Variants in ZFR observed in about 807,000 individuals in gnomAD.
ZFR encodes the protein zinc finger RNA binding protein.
In ZFR, 19 loss-of-function variants were observed where a neutral mutation model predicts 130.7. The observed-to-expected ratio is 0.15, with a 90% CI of 0.10 to 0.21. The LOEUF (loss-of-function observed/expected upper bound fraction) is 0.21. ZFR is among the 10% of genes least tolerant of loss of function. The probability of loss-of-function intolerance (pLI) is 1.00; values close to 1 mark genes in which losing one functional copy is unlikely to be tolerated. For synonymous variants in ZFR, 466 were observed against 456.9 expected (o/e 1.02, Z -0.25); for missense variants, 872 against 1,321.5 (o/e 0.66, Z 5.27).
chr5:32,417,864 G>A, intron 3 of ZFR, 72 bp from the exon 4 acceptor site: 2 of 1,456,018 alleles, frequency 1.4e-6, no homozygotes, highest in South Asian at 1.2e-5. Context: ...CTGTATAGAA[G>A]TGCAATAAAG....
intron 11 of ZFR, among the ~76,000 whole-genome samples, chr5:32,391,625 C>A (rs1260486097): frequency 6.6e-6 from 1 of 151,422 alleles, no homozygotes; most frequent in African/African-American, 2.4e-5. Flanking sequence ...CCAAGGGAAA[C>A]CATGTGTCTA....
At position 32,355,937 on chromosome 5, in the gene ZFR, A is replaced by G. The variant is rs763281349; in HGVS notation, c.3048T>C (p.Phe1016=). The G allele has an allele frequency of 6.3e-7, 1 of 1,584,978 alleles. No homozygotes were observed. The highest frequency in any genetic ancestry group is 8.5e-7 in the Non-Finnish European group (1 of 1,169,892). The part of the protein sequence containing the change: ...QREDITSSAQ[F]ALRLLAFRQI... ...GGCGGAATGCAAGGAGTCTCAATGC[A>G]AACTGCAACAAAGAGAGTCAGAATT... The change falls in exon 20 of 20, where the codon TTT becomes TTC. Residue 1016 remains phenylalanine, a splice_region_variant and synonymous_variant. Transcript: ENST00000265069.
chr5:32,417,121 T>TC (rs1554073786), intron 4 of ZFR, among the ~76,000 whole-genome samples: 14 of 114,680 alleles, frequency 1.2e-4, no homozygotes, highest in South Asian at 2.9e-4. Context: ...AGTCTCTCTC[T>TC]AAAAAAAAAA....
Position 32,382,697 on chromosome 5 carries a change from CCTT to C in ZFR, c.2642-2528_2642-2526del, listed in dbSNP as rs535884295. On this transcript the variant is annotated intron_variant, in intron 15 of 19. Transcript: ENST00000265069. ...TGATCTCGGCTCACTGCAACCTACA[CCTT>C]CTGGGTTCAAGCAATTCTCCTGCCT... 1.9e-4 allele frequency among the ~76,000 whole-genome samples: 29 copies of C among 152,158 alleles called. No homozygotes were observed. In the East Asian group the frequency reaches 5.6e-3, roughly 29 times the overall value.
chr5:32,385,678 T>C (rs776459962), intron 14 of ZFR, 29 bp from the exon 15 acceptor site: 14 of 1,609,240 alleles, frequency 8.7e-6, no homozygotes, highest in African/African-American at 1.3e-5. Flanking sequence ...AAGAAACAAA[T>C]TGGATCTGTT....
chr5:32,432,053 A>G (rs993821601), intron 2 of ZFR, among the ~76,000 whole-genome samples: 1 of 149,976 alleles, frequency 6.7e-6, no homozygotes, highest in South Asian at 2.1e-4. Context: ...GTGCAGTGGT[A>G]TAAGCGTGGC....
intron 2 of ZFR, among the ~76,000 whole-genome samples, chr5:32,425,903 G>A (rs1179106604): frequency 6.6e-6 from 1 of 152,190 alleles, no homozygotes; most frequent in Non-Finnish European, 1.5e-5. Context: ...AAGTGCTACA[G>A]GAATCCTGAA....
intron 2 of ZFR, among the ~76,000 whole-genome samples, chr5:32,436,163 T>A (rs77169786): frequency 8.2e-6 from 1 of 121,944 alleles, no homozygotes; most frequent in Non-Finnish European, 1.8e-5. Context: ...TTTTTTTTTT[T>A]TTTGAGATGG....
At position 32,361,029 on chromosome 5, in the gene ZFR, G is replaced by A. The variant is rs142301953; in HGVS notation, c.3045+2919C>T. ...TAAGGTTATGCTATGTTGCCAGGTC[G>A]TTCTTGAACTCATGGGCTCAACCAA... On this transcript the variant is annotated intron_variant, in intron 19 of 19. Coordinates refer to ENST00000265069, the MANE Select transcript of ZFR (RefSeq NM_016107.5). Among the ~76,000 whole-genome samples the A allele has an allele frequency of 6.1e-3, 926 of 152,268 alleles. 5 individuals are homozygous for A. Among genetic ancestry groups the A allele is most frequent in the Non-Finnish European group, 0.01 (701 of 68,030 alleles).
At chr5:32,364,568 C>A (rs945239277) in intron 17 of ZFR, 50 of 157,720 alleles carry the variant, frequency 3.2e-4, no homozygotes, top group Non-Finnish European at 5.1e-4. Context: ...ACAAAAAAAA[C>A]CCCAAAAAAC....
At chr5:32,364,377 G>C in intron 17 of ZFR, 102 bp from the exon 18 acceptor site, 1 of 788,168 alleles carries the variant, frequency 1.3e-6, no homozygotes. Flanking sequence ...GACTGAAAAA[G>C]CTACATAGAA....
chr5:32,368,534 C>T (rs527875089), intron 17 of ZFR, among the ~76,000 whole-genome samples: 1 of 152,292 alleles, frequency 6.6e-6, no homozygotes, highest in African/African-American at 2.4e-5. Flanking sequence ...TTGCACCTGG[C>T]CACAAATTTT....
At chr5:32,390,195 T>A (rs1581692027) in intron 12 of ZFR, 80 bp downstream of exon 12, 1 of 1,504,710 alleles carries the variant, frequency 6.6e-7, no homozygotes, top group East Asian at 2.3e-5. Flanking sequence ...AGTCTAAACA[T>A]TAGCCCCTCC....
At chr5:32,394,917 G>C (rs1015405044) in intron 11 of ZFR, among the ~76,000 whole-genome samples, 2 of 152,068 alleles carry the variant, frequency 1.3e-5, no homozygotes, top group Non-Finnish European at 2.9e-5. Flanking sequence ...TTCTTCATAT[G>C]TTTAATTTAT....
chr5:32,374,802 C>T (rs934179080), intron 17 of ZFR, among the ~76,000 whole-genome samples: 2 of 151,748 alleles, frequency 1.3e-5, no homozygotes, highest in Admixed American at 6.6e-5. Flanking sequence ...CCAAAATTAA[C>T]CACCAGAGAG....
At position 32,390,309 on chromosome 5, in the gene ZFR, C is replaced by G. The variant is rs1401869489; in HGVS notation, c.2108G>C (p.Arg703Pro). ...CTGAGGCTGAGGAGGCATGCCTGGT[C>G]GGACTCCCAGAAGGCCTAATGGGCC... ...PPGPLGLLGV[R>P]PGMPPQPQGP... The change falls in exon 12 of 20, where the codon CGA becomes CCA. Residue 703 changes from arginine to proline, a missense_variant. By Grantham distance (103) the Arg-to-Pro change is moderately radical (BLOSUM62 -2). This residue lies in a region of ZFR where 225 missense variants were observed against 282.4 expected (regional missense o/e 0.80). Transcript: ENST00000265069. 1.9e-6 allele frequency: 3 copies of G among 1,613,990 alleles called. No homozygotes were observed. Among genetic ancestry groups the G allele is most frequent in the Non-Finnish European group, 2.5e-6 (3 of 1,179,970 alleles).
At chr5:32,444,091 G>A (rs1235134498) in intron 2 of ZFR, 138 bp downstream of exon 2, 13 of 774,300 alleles carry the variant, frequency 1.7e-5, no homozygotes, top group Non-Finnish European at 2.0e-5. Context: ...GGGAGAGGCC[G>A]CCGGGCTGGG....
rs778031252 is a variant in ZFR, at chr5:32,385,630, T to C, written c.2519A>G (p.Tyr840Cys). ...KQLAVISPEK[Y>C]DIKCAVSEAA... Reference sequence around the variant, plus strand: ...TTCAGATACAGCACATTTTATGTCATACTTCTCAGGGCTTATAACCTGTGT... The same window carrying C: ...TTCAGATACAGCACATTTTATGTCACACTTCTCAGGGCTTATAACCTGTGT... The change falls in exon 15 of 20, where the codon TAT (tyrosine) becomes TGT (cysteine). Residue 840 changes from tyrosine to cysteine, a missense_variant. Physicochemically the swap from Tyr to Cys is radical, Grantham distance 194. Around this residue, in one of 7 missense-constraint regions of ZFR, gnomAD observed 225 missense variants for 282.4 expected, o/e 0.80. Transcript: ENST00000265069. 1 of 1,613,280 alleles carries C rather than the reference T, an allele frequency of 6.2e-7. No homozygotes were observed. The highest frequency in any genetic ancestry group is 8.5e-7 in the Non-Finnish European group (1 of 1,179,464).
chr5:32,428,778 G>A (rs1437687358), intron 2 of ZFR, among the ~76,000 whole-genome samples: 1 of 152,086 alleles, frequency 6.6e-6, no homozygotes, highest in African/African-American at 2.4e-5. Flanking sequence ...CCTGAGGGAG[G>A]CCCCGATTCT....
Sources: allele counts gnomAD v4.1 joint callset (sites outside exome capture counted in the v4.1 genomes callset), GRCh38; gene constraint gnomAD v4.1.1; regional missense constraint gnomAD v4.1.1; transcripts MANE v1.5; gene names NCBI Gene and HGNC (gene_info 2026-07-23, HGNC 2026-07-21).